The following KCTD19 variants were observed in gnomAD, a reference collection of about 807,000 sequenced individuals.
KCTD19 encodes potassium channel tetramerization domain containing 19, also known as BTB/POZ domain-containing protein KCTD19.
In KCTD19, 67 loss-of-function variants were observed where a neutral mutation model predicts 103.5. That is an observed-to-expected ratio of 0.65 (90% CI 0.53 to 0.79). The LOEUF (loss-of-function observed/expected upper bound fraction) is 0.79, where lower values mean the gene tolerates loss of function less well. Ranked by LOEUF, KCTD19 falls within the 30% of genes least tolerant of loss-of-function variation. The pLI, the probability that KCTD19 is intolerant of heterozygous loss-of-function variation, is 0.00. For missense variants in KCTD19, 980 were observed against 1,136.1 expected, an observed-to-expected ratio of 0.86 and a Z score of 1.98; for synonymous variants, 439 against 452.2, an observed-to-expected ratio of 0.97 and a Z score of 0.37.
At position 67,320,480 on chromosome 16, in the gene KCTD19, T is replaced by G; in HGVS notation, c.300+109A>C. On this transcript the variant is annotated intron_variant, in intron 2 of 15. Coordinates refer to ENST00000304372, the MANE Select transcript of KCTD19 (RefSeq NM_001100915.3). This position sits in a 1 kb window ranked among gnomAD's most constrained non-coding sequence, Gnocchi z 4.0. The stretch of plus-strand genomic sequence containing the variant: ...ATTACTTTAACACACTTATTACATT[T>G]GCCCATTAAGAGGGTCATCTCAGCA... The G allele has an allele frequency of 2.0e-6, 2 of 999,462 alleles. No individual in the cohort carries two copies. Among genetic ancestry groups the G allele is most frequent in the Non-Finnish European group, 3.0e-6 (2 of 662,898 alleles). 61.9% of individuals were successfully genotyped at this position (999,462 alleles called of 1,614,324 possible).
At chr16:67,312,558 G>A (rs532809290) in intron 2 of KCTD19, among the ~76,000 whole-genome samples, 29 of 152,120 alleles carry the variant, frequency 1.9e-4, no homozygotes, top group Non-Finnish European at 2.8e-4. Context: ...TGTACATCCC[G>A]CGCCTCCTGT....
At chr16:67,310,369 C>T (rs2036936989) in intron 2 of KCTD19, among the ~76,000 whole-genome samples, 1 of 152,214 alleles carries the variant, frequency 6.6e-6, no homozygotes, top group Non-Finnish European at 1.5e-5. Context: ...CCTGGGCTTC[C>T]AGCTGCCCTC....
rs10695930 is a variant in KCTD19 at position 67,325,207 on chromosome 16, CT to C, written c.3+1497del. Among the ~76,000 whole-genome samples, 324 of 113,146 alleles carry C rather than the reference CT, an allele frequency of 2.9e-3. 1 individual carries two copies. Among genetic ancestry groups the C allele is most frequent in the African/African-American group, 6.2e-3 (160 of 25,768 alleles). 74.2% of individuals were successfully genotyped at this position (113,146 alleles called of 152,430 possible). ...CTTTTTTTTCTTTTTTTCTTTTTTTCTTTTTTTTTTTTTTTGAGACGGAGTC... is the reference window on the plus strand; with the variant it reads ...CTTTTTTTTCTTTTTTTCTTTTTTTCTTTTTTTTTTTTTTGAGACGGAGTC... On this transcript the variant is annotated intron_variant, in intron 1 of 15. Transcript: ENST00000304372.
intron 2 of KCTD19, chr16:67,305,658 T>G (rs1300068714): frequency 2.2e-6 from 1 of 453,612 alleles, no homozygotes; most frequent in Admixed American, 2.4e-5. Flanking sequence ...TCCCTTTTTT[T>G]TTCTGTCTTT....
At chr16:67,290,813 G>T in intron 15 of KCTD19, 72 bp downstream of exon 15, 2 of 1,353,448 alleles carry the variant, frequency 1.5e-6, no homozygotes, top group Non-Finnish European at 2.0e-6. Context: ...CAGCCCTGGT[G>T]CAGCAAGACA....
At chr16:67,298,212 C>T (rs1485562570) in intron 6 of KCTD19, among the ~76,000 whole-genome samples, 1 of 152,018 alleles carries the variant, frequency 6.6e-6, no homozygotes, top group Admixed American at 6.6e-5. Context: ...CCAGGATGGT[C>T]TCAATCTCTT....
chr16:67,299,685 G>T, intron 5 of KCTD19, 112 bp from the exon 6 acceptor site: 3 of 814,742 alleles, frequency 3.7e-6, no homozygotes, highest in Non-Finnish European at 5.8e-6. Context: ...AGGCTCAGAG[G>T]AAGGATATTT....
At chr16:67,304,383 G>T in intron 3 of KCTD19, 38 bp downstream of exon 3, 1 of 1,606,762 alleles carries the variant, frequency 6.2e-7, no homozygotes, top group Non-Finnish European at 8.5e-7. Context: ...GGGAAAGTTG[G>T]TGTGGGCTTT....
Position 67,296,189 on chromosome 16 carries a change from C to T in KCTD19, c.1218G>A (p.Trp406Ter), listed in dbSNP as rs202006286. 16 of 1,613,078 alleles carry T rather than the reference C, an allele frequency of 9.9e-6. No homozygotes were observed. Among genetic ancestry groups the T allele is most frequent in the Non-Finnish European group, 1.4e-5 (16 of 1,179,130 alleles). ...GCAGTGTCTGCAGGGTGGTTGCGTA[C>T]CAGTGGCTTCCAACATACACTTTGA... ...QIIKVYVGSHWYATTLQTLLK... is the reference protein window; with the variant it reads ...QIIKVYVGSH The change falls in exon 8 of 16, where the codon TGG becomes TGA. Residue 406 changes from tryptophan to a stop codon, truncating the protein, a stop_gained. Coordinates refer to ENST00000304372, the MANE Select transcript of KCTD19 (RefSeq NM_001100915.3). LOFTEE classifies it high-confidence loss of function.
chr16:67,324,530 T>G (rs2037109137), intron 1 of KCTD19, among the ~76,000 whole-genome samples: 1 of 152,220 alleles, frequency 6.6e-6, no homozygotes, highest in Non-Finnish European at 1.5e-5. Flanking sequence ...GATTGTAGAA[T>G]GCAGGTGGTG....
intron 5 of KCTD19, chr16:67,301,521 C>G (rs1191780935): frequency 3.4e-6 from 1 of 294,250 alleles, no homozygotes; most frequent in African/African-American, 2.2e-5. Flanking sequence ...CCCACCCAGG[C>G]TGGGCTCCTC....
Position 67,326,731 on chromosome 16 carries a change from G to A in KCTD19, c.-24C>T, listed in dbSNP as rs1241836594. 6.4e-7 allele frequency: 1 copy of A among 1,572,696 alleles called. No individual in the cohort carries two copies. The highest frequency in any genetic ancestry group is 8.6e-7 in the Non-Finnish European group (1 of 1,164,740). On this transcript the variant is annotated 5_prime_UTR_variant, in exon 1 of 16. Coordinates refer to ENST00000304372, the MANE Select transcript of KCTD19 (RefSeq NM_001100915.3). ...ATGGTCGCGGCTCCAGCAGCGGGCG[G>A]GCGGGCTTGTGACCCGGCCAATAAC...
intron 11 of KCTD19, 97 bp from the exon 12 acceptor site, chr16:67,294,268 G>T: frequency 7.8e-7 from 1 of 1,288,422 alleles, no homozygotes; most frequent in East Asian, 2.3e-5. Flanking sequence ...GACTTCACTT[G>T]CTCTCCCTGA....
chr16:67,299,850 A>G (rs1001921729), intron 5 of KCTD19: 2 of 492,102 alleles, frequency 4.1e-6, no homozygotes, highest in Non-Finnish European at 7.2e-6. Context: ...GTTTCAGGAA[A>G]GCAGCCATCT....
intron 2 of KCTD19, among the ~76,000 whole-genome samples, chr16:67,319,957 CA>C (rs1232655582): frequency 1.7e-4 from 25 of 151,396 alleles, no homozygotes; most frequent in Admixed American, 9.2e-4. Context: ...TTTTAAGATT[CA>C]AAAAACAAAA....
intron 2 of KCTD19, among the ~76,000 whole-genome samples, chr16:67,309,556 G>A (rs558391073): frequency 6.6e-6 from 1 of 152,336 alleles, no homozygotes; most frequent in African/African-American, 2.4e-5. Flanking sequence ...GGGCAGCGTA[G>A]CACTCCAAGC....
At chr16:67,304,343 A>G in intron 3 of KCTD19, 78 bp downstream of exon 3, 1 of 1,434,320 alleles carries the variant, frequency 7.0e-7, no homozygotes, top group Non-Finnish European at 9.8e-7. Context: ...TGCTCTCTGG[A>G]TGGAAGCCAC....
At chr16:67,309,236 C>T (rs2036926289) in intron 2 of KCTD19, among the ~76,000 whole-genome samples, 1 of 151,912 alleles carries the variant, frequency 6.6e-6, no homozygotes, top group Non-Finnish European at 1.5e-5. Context: ...TCCAAAGAAG[C>T]GAACAGAGAA....
chr16:67,315,273 C>T (rs2036998215), intron 2 of KCTD19, among the ~76,000 whole-genome samples: 1 of 152,012 alleles, frequency 6.6e-6, no homozygotes, highest in Admixed American at 6.6e-5. Flanking sequence ...GGCCAACGAG[C>T]CACTATAACC....
Sources: gnomAD v4.1 joint callset for allele counts (sites outside exome capture counted in the v4.1 genomes callset) on GRCh38, gnomAD v4.1.1 for gene constraint, Gnocchi (gnomAD v3.1) non-coding constraint, MANE v1.5 for transcripts, NCBI Gene and HGNC (gene_info 2026-07-23, HGNC 2026-07-21) for gene names.